Variants in SDK2 observed in about 807,000 individuals in gnomAD.
SDK2 encodes the protein protein sidekick-2.
Under a neutral mutation model 253.9 loss-of-function variants are expected in SDK2, and 105 were observed. That is an observed-to-expected ratio of 0.41 (90% confidence interval 0.35 to 0.49). The LOEUF (loss-of-function observed/expected upper bound fraction) is 0.49, where lower values mean the gene tolerates loss of function less well. Ranked by LOEUF, SDK2 falls within the 20% of genes least tolerant of loss-of-function variation. SDK2 has a pLI of 0.06. For synonymous variants in SDK2, 1,249 were observed against 1,234.9 expected (o/e 1.01, Z -0.24); for missense variants, 2,608 against 3,003.0 (o/e 0.87, Z 3.07).
In SDK2 at chr17:73,629,767, C is replaced by T. The variant is rs1443614380; in HGVS notation, c.64+14258G>A. 1.3e-5 allele frequency among the ~76,000 whole-genome samples: 2 copies of T among 152,110 alleles called. No individual in the cohort carries two copies. The highest frequency in any genetic ancestry group is 4.8e-5 in the African/African-American group (2 of 41,396). On this transcript the variant is annotated intron_variant, in intron 1 of 44. Transcript: ENST00000392650. The surrounding 1 kb of genome is among the most constrained non-coding windows in gnomAD (Gnocchi z 5.0). Reference sequence around the variant, plus strand: ...AGACTGGGCTGGATCCTGGGCACCTCACTTAGTATACAGATGGTGCTTAGT... The same window carrying T: ...AGACTGGGCTGGATCCTGGGCACCTTACTTAGTATACAGATGGTGCTTAGT...
chr17:73,634,461 T>C (rs1384110457), intron 1 of SDK2, among the ~76,000 whole-genome samples: 1 of 152,192 alleles, frequency 6.6e-6, no homozygotes, highest in Non-Finnish European at 1.5e-5. Context: ...GAAGAGCAAA[T>C]GCGATGTCTA....
intron 38 of SDK2, among the ~76,000 whole-genome samples, chr17:73,364,977 T>C (rs1035093940): frequency 2.6e-5 from 4 of 152,164 alleles, no homozygotes; most frequent in Non-Finnish European, 5.9e-5. Context: ...TTCCCTTCCT[T>C]TCCTCCCTGT....
chr17:73,368,778 G>GA (rs2062708791), intron 36 of SDK2, among the ~76,000 whole-genome samples, 185 bp from the exon 37 acceptor site: 1 of 152,164 alleles, frequency 6.6e-6, no homozygotes, highest in African/African-American at 2.4e-5. Context: ...GGGAGGCAGA[G>GA]GTGGGTGGAT....
intron 2 of SDK2, among the ~76,000 whole-genome samples, chr17:73,480,303 T>C (rs1023325648): frequency 5.3e-5 from 8 of 152,168 alleles, no homozygotes; most frequent in African/African-American, 1.4e-4. Flanking sequence ...AAGAAGAGGA[T>C]AGTTCGGCTG....
At chr17:73,565,863 C>A (rs561778496) in intron 1 of SDK2, among the ~76,000 whole-genome samples, 1 of 152,156 alleles carries the variant, frequency 6.6e-6, no homozygotes, top group Admixed American at 6.5e-5. Flanking sequence ...CTGGCCCTGT[C>A]GCCAGGCTGT....
At position 73,431,916 on chromosome 17, in the gene SDK2, C is replaced by T. The variant is rs923792207; in HGVS notation, c.1313-247G>A. ...AGCCTAGAGCCCAGGTCCCCTGATG[C>T]TCCTGTGCCCGCCACACCACGTGCC... is the stretch of plus-strand genomic sequence containing the variant. On this transcript the variant is annotated intron_variant, in intron 10 of 44. Transcript: ENST00000392650. The surrounding 1 kb of genome is among the most constrained non-coding windows in gnomAD (Gnocchi z 5.6). Among the ~76,000 whole-genome samples, 2 of 152,124 alleles carry T rather than the reference C, an allele frequency of 1.3e-5. No homozygotes were observed. The highest frequency in any genetic ancestry group is 1.3e-4 in the Admixed American group (2 of 15,270).
intron 38 of SDK2, among the ~76,000 whole-genome samples, chr17:73,362,583 G>T (rs1406625865): frequency 6.6e-6 from 1 of 152,060 alleles, no homozygotes; most frequent in Non-Finnish European, 1.5e-5. Flanking sequence ...TAGAGACAGG[G>T]TCTCATTATG....
intron 1 of SDK2, among the ~76,000 whole-genome samples, chr17:73,606,899 CTCAG>C (rs2045915744): frequency 6.6e-6 from 1 of 152,182 alleles, no homozygotes; most frequent in South Asian, 2.1e-4. Flanking sequence ...AGTGGAGCAG[CTCAG>C]TCAATGACTG....
In SDK2 at chr17:73,336,917, T is replaced by G. The variant is rs1017859256; in HGVS notation, c.*1670A>C. On this transcript the variant is annotated 3_prime_UTR_variant, in exon 45 of 45. Coordinates refer to ENST00000392650, the MANE Select transcript of SDK2 (RefSeq NM_001144952.2). ...GGGCTGGCTGAGGGCACAGAGGGCC[T>G]TGGACAATGTATGGAGTTAGATAGA... The G allele has an allele frequency of 6.7e-6, 1 of 148,826 alleles. No individual in the cohort carries two copies. The highest frequency in any genetic ancestry group is 1.5e-5 in the Non-Finnish European group (1 of 67,122). The allele number at this position is 148,826 out of a possible 1,614,324, so 9.2% of individuals were successfully genotyped here.
Position 73,383,928 on chromosome 17 carries a change from G to A in SDK2, c.4653C>T (p.Gly1551=), listed in dbSNP as rs753718657. ...YRELLYEGLR[G]FTLRGINNPG... ...GGTTGTTGATGCCTCGAAGCGTGAAGCCCCTCAGTCCTTCATAGAGCAGCT... is the reference window on the plus strand; with the variant it reads ...GGTTGTTGATGCCTCGAAGCGTGAAACCCCTCAGTCCTTCATAGAGCAGCT... The change falls in exon 33 of 45, where the codon GGC becomes GGT. Residue 1551 remains glycine (G), a synonymous_variant. Coordinates refer to ENST00000392650, the MANE Select transcript of SDK2 (RefSeq NM_001144952.2). The surrounding 1 kb of genome is among the most constrained non-coding windows in gnomAD (Gnocchi z 4.3). 6.8e-6 allele frequency: 11 copies of A among 1,613,918 alleles called. No individual in the cohort carries two copies. In the Admixed American group the frequency reaches 1.8e-4, roughly 27 times the overall value.
intron 1 of SDK2, among the ~76,000 whole-genome samples, chr17:73,553,239 CG>C (rs61039313): frequency 0.17 from 25,718 of 152,080 alleles, 2,834 homozygotes; most frequent in African/African-American, 0.31. Flanking sequence ...GGACAGGCCA[CG>C]GGGGGCCAGT....
intron 14 of SDK2, among the ~76,000 whole-genome samples, chr17:73,423,132 AT>A (rs2063247385): frequency 6.6e-6 from 1 of 152,066 alleles, no homozygotes; most frequent in Non-Finnish European, 1.5e-5. Context: ...AATACTGGCC[AT>A]TTTCTTTGCA....
At chr17:73,610,416 C>T (rs1019296155) in intron 1 of SDK2, among the ~76,000 whole-genome samples, 3 of 152,216 alleles carry the variant, frequency 2.0e-5, no homozygotes, top group African/African-American at 7.2e-5. Flanking sequence ...AATCAACTGA[C>T]CATTTTGTTC....
In SDK2 at chr17:73,643,475, C is replaced by G. The variant is rs2046423873; in HGVS notation, c.64+550G>C. Among the ~76,000 whole-genome samples, 1 of 152,138 alleles carries G rather than the reference C, an allele frequency of 6.6e-6. No individual in the cohort carries two copies. The highest frequency in any genetic ancestry group is 2.4e-5 in the African/African-American group (1 of 41,456). On this transcript the variant is annotated intron_variant, in intron 1 of 44. Coordinates refer to ENST00000392650, the MANE Select transcript of SDK2 (RefSeq NM_001144952.2). This position sits in a 1 kb window ranked among gnomAD's most constrained non-coding sequence, Gnocchi z 6.9. Reference sequence around the variant, plus strand: ...AGCACCCCCAGCCCCAGCGGCTGGCCGAGCAGCCAGGGGCGGGCTCCCGTA... The same window carrying G: ...AGCACCCCCAGCCCCAGCGGCTGGCGGAGCAGCCAGGGGCGGGCTCCCGTA...
chr17:73,387,142 TAG>T (rs1480863942), intron 30 of SDK2, among the ~76,000 whole-genome samples: 1 of 152,230 alleles, frequency 6.6e-6, no homozygotes, highest in East Asian at 1.9e-4. Context: ...TGTATTTTAG[TAG>T]AGACAGGTTT....
Position 73,394,223 on chromosome 17 carries a change from C to A in SDK2, c.3694G>T (p.Val1232Leu). The A allele has an allele frequency of 1.3e-6, 2 of 1,579,952 alleles. No homozygotes were observed. The highest frequency in any genetic ancestry group is 1.2e-5 in the South Asian group (1 of 85,766). Residue 1232 changes from valine (V) to leucine (L), a missense_variant, in exon 26 of 45, where the codon GTG (valine) becomes TTG (leucine). Around this residue, in one of 2 missense-constraint regions of SDK2, gnomAD observed 1,505 missense variants for 1,859.1 expected, o/e 0.81. Coordinates refer to ENST00000392650, the MANE Select transcript of SDK2 (RefSeq NM_001144952.2). The stretch of plus-strand genomic sequence containing the variant: ...CCGGGACTCACCTTATAGCCCAGCA[C>A]GAGCCCGTTGCGATCAGCCTCGGGG... ...EVPEADRNGL[V>L]LGYKVMYKEK...
At chr17:73,401,871 C>T in intron 19 of SDK2, 75 bp downstream of exon 19, 2 of 1,391,916 alleles carry the variant, frequency 1.4e-6, no homozygotes, top group Non-Finnish European at 2.0e-6. Flanking sequence ...AAGCCTGGGC[C>T]ACCCTTCTGC....
chr17:73,458,165 G>A (rs776194304), intron 3 of SDK2, among the ~76,000 whole-genome samples: 7 of 152,110 alleles, frequency 4.6e-5, no homozygotes, highest in Admixed American at 2.6e-4. Flanking sequence ...TAATAGAAAC[G>A]AGGTCTTGTT....
chr17:73,491,838 C>T (rs1050851100), intron 2 of SDK2, among the ~76,000 whole-genome samples: 20 of 152,314 alleles, frequency 1.3e-4, no homozygotes, highest in Admixed American at 7.2e-4. Context: ...GCTGGGGACC[C>T]GCCTGCGAGC....
Sources: allele counts gnomAD v4.1 joint callset (sites outside exome capture counted in the v4.1 genomes callset), GRCh38; gene constraint gnomAD v4.1.1; regional missense constraint gnomAD v4.1.1; non-coding constraint Gnocchi (gnomAD v3.1); transcripts MANE v1.5; gene names NCBI Gene and HGNC (gene_info 2026-07-23, HGNC 2026-07-21).